The following NEDD4 variants were observed in gnomAD, a reference collection of about 807,000 sequenced individuals.
NEDD4 encodes the protein NEDD4 E3 ubiquitin protein ligase.
NEDD4 carries 99 observed loss-of-function variants against 144.9 expected under a neutral mutation model. That is an observed-to-expected ratio of 0.68 (90% CI 0.58 to 0.81). The LOEUF (loss-of-function observed/expected upper bound fraction) is 0.81. Among genes scored for constraint, NEDD4 ranks in the 30% least tolerant of loss-of-function variants. The pLI, the probability that NEDD4 is intolerant of heterozygous loss-of-function variation, is 0.00. For synonymous variants in NEDD4, 318 were observed against 350.6 expected (o/e 0.91, Z 1.04); for missense variants, 985 against 1,065.9 (o/e 0.92, Z 1.06).
At chr15:55,975,753 A>T (rs2037688570) in intron 1 of NEDD4, among the ~76,000 whole-genome samples, 1 of 152,232 alleles carries the variant, frequency 6.6e-6, no homozygotes, top group Non-Finnish European at 1.5e-5. Context: ...AATACCAATG[A>T]CATACTTCAC....
At chr15:55,977,119 A>G (rs185451648) in intron 1 of NEDD4, among the ~76,000 whole-genome samples, 1 of 152,328 alleles carries the variant, frequency 6.6e-6, no homozygotes, top group Admixed American at 6.5e-5. Flanking sequence ...TCTTTCTTCT[A>G]AAGACTTACA....
chr15:55,968,137 A>G (rs1161526667), intron 1 of NEDD4, among the ~76,000 whole-genome samples: 1 of 152,132 alleles, frequency 6.6e-6, no homozygotes, highest in Non-Finnish European at 1.5e-5. Flanking sequence ...TACTATTCCC[A>G]TTCTCCCTTC....
Position 55,852,497 on chromosome 15 carries a change from T to C in NEDD4, c.1073A>G (p.Gln358Arg). 6.2e-7 allele frequency: 1 copy of C among 1,613,286 alleles called. No individual in the cohort carries two copies. The highest frequency in any genetic ancestry group is 8.5e-7 in the Non-Finnish European group (1 of 1,179,588). ...ATAATATGATCTTCCTCTTTCATCT[T>C]GTTTTTCTTCCCAACCTGGTGGTAA... Reference protein sequence around the residue: ...SGLPPGWEEKQDERGRSYYVD... With the variant: ...SGLPPGWEEKRDERGRSYYVD... Residue 358 changes from glutamine to arginine, a missense_variant, in exon 13 of 29, where the codon CAA (glutamine) becomes CGA (arginine). Coordinates refer to ENST00000435532, the MANE Select transcript of NEDD4 (RefSeq NM_006154.4).
At chr15:55,862,220 AG>A (rs760948834) in intron 9 of NEDD4, among the ~76,000 whole-genome samples, 14 of 152,160 alleles carry the variant, frequency 9.2e-5, no homozygotes, top group Non-Finnish European at 1.9e-4. Context: ...AAAAATTAGG[AG>A]GCTAATGAAC....
intron 1 of NEDD4, among the ~76,000 whole-genome samples, chr15:55,990,533 G>A (rs1033122470): frequency 9.2e-5 from 14 of 152,108 alleles, no homozygotes; most frequent in East Asian, 1.9e-4. Flanking sequence ...GAATACTTTC[G>A]CAGAAAATTT....
At chr15:55,853,543 C>T (rs1340203812) in intron 12 of NEDD4, among the ~76,000 whole-genome samples, 2 of 152,274 alleles carry the variant, frequency 1.3e-5, no homozygotes, top group African/African-American at 2.4e-5. Context: ...GAGATTTGAA[C>T]CCAGGTAATC....
At chr15:55,841,867 G>C in intron 19 of NEDD4, 67 bp downstream of exon 19, 1 of 1,392,266 alleles carries the variant, frequency 7.2e-7, no homozygotes, top group South Asian at 1.2e-5. Context: ...CACTGCACCC[G>C]GCCGACTCTT....
chr15:55,835,360 CTT>C (rs1362315369), intron 24 of NEDD4, among the ~76,000 whole-genome samples: 4 of 150,282 alleles, frequency 2.7e-5, no homozygotes, highest in Admixed American at 6.6e-5. Context: ...TCTGTCTACT[CTT>C]GATACCTTTT....
Position 55,841,914 on chromosome 15 carries a change from A to C in NEDD4, c.1838+20T>G, listed in dbSNP as rs1299800700. 2.5e-6 allele frequency: 4 copies of C among 1,584,748 alleles called. No individual in the cohort carries two copies. Among genetic ancestry groups the C allele is most frequent in the Non-Finnish European group, 3.5e-6 (4 of 1,153,482 alleles). Reference sequence around the variant, plus strand: ...AGTGATTTTTCTTTTTCTGCCGATAATCATTGTAAAGGTACTTACGTAGCA... The same window carrying C: ...AGTGATTTTTCTTTTTCTGCCGATACTCATTGTAAAGGTACTTACGTAGCA... On this transcript the variant is annotated intron_variant, in intron 19 of 28. Transcript: ENST00000435532.
At chr15:55,953,134 C>T (rs988833072) in intron 2 of NEDD4, among the ~76,000 whole-genome samples, 2 of 151,694 alleles carry the variant, frequency 1.3e-5, no homozygotes, top group African/African-American at 2.4e-5. Context: ...GGACTGCAGG[C>T]GCACACCACC....
chr15:55,841,819 C>T (rs2033520217), intron 19 of NEDD4, 115 bp downstream of exon 19: 5 of 792,904 alleles, frequency 6.3e-6, no homozygotes, highest in Non-Finnish European at 1.1e-5. Flanking sequence ...GATCCGCCCG[C>T]CTCGGCCTCC....
chr15:55,957,075 G>A (rs1438799204), intron 2 of NEDD4, among the ~76,000 whole-genome samples: 2 of 152,046 alleles, frequency 1.3e-5, no homozygotes, highest in Non-Finnish European at 2.9e-5. Flanking sequence ...TTTTTAAATT[G>A]TATTTTCCAA....
At chr15:55,956,309 T>A (rs1421257101) in intron 2 of NEDD4, among the ~76,000 whole-genome samples, 1 of 152,230 alleles carries the variant, frequency 6.6e-6, no homozygotes, top group Admixed American at 6.5e-5. Context: ...AAGTTTTAAT[T>A]GTGTTGAAGT....
intron 1 of NEDD4, among the ~76,000 whole-genome samples, chr15:55,973,767 A>G (rs544249739): frequency 6.6e-6 from 1 of 152,120 alleles, no homozygotes; most frequent in African/African-American, 2.4e-5. Context: ...CCTATGGAAT[A>G]GAGCAAAAGC....
chr15:55,943,915 G>A (rs75735268), intron 4 of NEDD4, among the ~76,000 whole-genome samples: 2,950 of 152,346 alleles, frequency 0.019, 109 homozygotes, highest in African/African-American at 0.068. Context: ...ACACAGGGGT[G>A]GAGACACCCA....
At chr15:55,883,698 C>CAA (rs1464118641) in intron 5 of NEDD4, among the ~76,000 whole-genome samples, 75 of 21,080 alleles carry the variant, frequency 3.6e-3, no homozygotes, top group African/African-American at 0.014. Flanking sequence ...CACACACAAA[C>CAA]ACACACACAC....
At chr15:55,940,922 C>T (rs2036991609) in intron 4 of NEDD4, among the ~76,000 whole-genome samples, 1 of 152,076 alleles carries the variant, frequency 6.6e-6, no homozygotes, top group East Asian at 1.9e-4. Context: ...TAAATTATAA[C>T]ATTAATTCCT....
chr15:55,955,156 G>A (rs1018893405), intron 2 of NEDD4, among the ~76,000 whole-genome samples: 7 of 152,122 alleles, frequency 4.6e-5, no homozygotes, highest in African/African-American at 1.7e-4. Context: ...CAAGTAGCGG[G>A]GACTACAGGC....
intron 5 of NEDD4, among the ~76,000 whole-genome samples, chr15:55,894,020 G>A (rs1370504520): frequency 6.6e-6 from 1 of 152,006 alleles, no homozygotes; most frequent in African/African-American, 2.4e-5. Flanking sequence ...ATATGTCAAT[G>A]AGGAAATGGA....
Sources: allele counts gnomAD v4.1 joint callset (sites outside exome capture counted in the v4.1 genomes callset), GRCh38; gene constraint gnomAD v4.1.1; transcripts MANE v1.5; gene names NCBI Gene and HGNC (gene_info 2026-07-23, HGNC 2026-07-21).